ASIC2: variants seen among roughly 807,000 people sequenced by gnomAD.
The protein encoded by ASIC2 is acid sensing ion channel subunit 2.
In ASIC2, 25 loss-of-function variants were observed where a neutral mutation model predicts 57.3. The ratio of observed to expected loss-of-function variants is 0.44; its 90% CI spans 0.32 to 0.61. The LOEUF is 0.61. Among genes scored for constraint, ASIC2 ranks in the 20% least tolerant of loss-of-function variants. ASIC2 has a pLI of 0.06. For synonymous variants in ASIC2, 319 were observed against 307.5 expected (o/e 1.04, Z -0.39); for missense variants, 641 against 738.1 (o/e 0.87, Z 1.52).
intron 1 of ASIC2, among the ~76,000 whole-genome samples, chr17:33,752,380 C>CA (rs34559402): frequency 0.42 from 63,594 of 150,982 alleles, 13,975 homozygotes; most frequent in Non-Finnish European, 0.49. Context: ...CTTTCATTAG[C>CA]AAAAAAAAGT....
rs147937342 is a variant in ASIC2, at chr17:33,190,553, T to C, written c.709-78486A>G. ...TGACAAGCTACTACTAAAAATTATA[T>C]GGAAATGTGAAAGACCTAGAATAGT... On this transcript the variant is annotated intron_variant, in intron 1 of 9. Coordinates refer to ENST00000225823, the MANE Select transcript of ASIC2 (RefSeq NM_183377.2). Among the ~76,000 whole-genome samples the C allele has an allele frequency of 5.9e-5, 9 of 152,240 alleles. No individual in the cohort carries two copies. The East Asian group carries it at 1.5e-3, about 26-fold the overall frequency.
chr17:34,111,275 A>G (rs1295343095), intron 1 of ASIC2, among the ~76,000 whole-genome samples: 3 of 148,272 alleles, frequency 2.0e-5, no homozygotes, highest in Non-Finnish European at 4.5e-5. Context: ...TATTATATAC[A>G]ACATATTATA....
At chr17:33,206,602 C>T (rs965617052) in intron 1 of ASIC2, among the ~76,000 whole-genome samples, 6 of 152,126 alleles carry the variant, frequency 3.9e-5, no homozygotes, top group South Asian at 2.1e-4. Flanking sequence ...GGCTGTCTTC[C>T]GCTTTCTATC....
At chr17:33,626,932 C>T (rs1033177024) in intron 1 of ASIC2, 1 of 152,232 alleles carries the variant, frequency 6.6e-6, no homozygotes, top group South Asian at 2.1e-4. Flanking sequence ...AGAATAAAAA[C>T]ACACACTCCT....
chr17:34,132,408 C>T (rs35281363), intron 1 of ASIC2, among the ~76,000 whole-genome samples: 3 of 151,504 alleles, frequency 2.0e-5, no homozygotes, highest in Non-Finnish European at 1.5e-5. Context: ...GGATGGAGTG[C>T]GAGCCGGGTG....
chr17:33,271,528 T>C (rs1486229264), intron 1 of ASIC2, among the ~76,000 whole-genome samples: 1 of 152,192 alleles, frequency 6.6e-6, no homozygotes, highest in Non-Finnish European at 1.5e-5. Flanking sequence ...CAATTCATGT[T>C]ACCAGGATCA....
intron 1 of ASIC2, among the ~76,000 whole-genome samples, chr17:33,722,734 G>C (rs1909426819): frequency 6.6e-6 from 1 of 152,192 alleles, no homozygotes; most frequent in Non-Finnish European, 1.5e-5. Flanking sequence ...TTGCACTGCA[G>C]CCGGGGTAAC....
rs572754142 is a variant in ASIC2 at position 33,917,597 on chromosome 17, G to A, written c.555+238381C>T. The stretch of plus-strand genomic sequence containing the variant: ...GTTCCTGAATGGTCTTCCACACTCC[G>A]GTTTCTTCTTCTTTAATCTATTCTC... On this transcript the variant is annotated intron_variant, in intron 1 of 9. Coordinates refer to the ASIC2 transcript ENST00000359872. Among the ~76,000 whole-genome samples, 7 of 152,014 alleles carry A rather than the reference G, an allele frequency of 4.6e-5. No individual in the cohort carries two copies. The South Asian group carries it at 1.0e-3, about 22-fold the overall frequency.
intron 1 of ASIC2, among the ~76,000 whole-genome samples, chr17:33,317,145 T>C (rs1906689504): frequency 6.6e-6 from 1 of 152,236 alleles, no homozygotes; most frequent in Admixed American, 6.5e-5. Context: ...ATTAATCAAG[T>C]CCTCAAGAAG....
chr17:33,440,273 C>T lies in ASIC2; in HGVS notation c.556-328206G>A, dbSNP rs571662934. ...ATCTGGCCTCTTTTCCTTAGCCTGA[C>T]GTTTTCGAGGTTGGATGTAGCATGT... is the stretch of plus-strand genomic sequence containing the variant. On this transcript the variant is annotated intron_variant, in intron 1 of 9. Transcript: ENST00000359872. Among the ~76,000 whole-genome samples, 22 of 152,258 alleles carry T rather than the reference C, an allele frequency of 1.4e-4. No homozygotes were observed. The South Asian group carries it at 3.1e-3, about 22-fold the overall frequency.
intron 1 of ASIC2, among the ~76,000 whole-genome samples, chr17:33,727,245 A>G (rs990324700): frequency 1.3e-5 from 2 of 152,202 alleles, no homozygotes; most frequent in Non-Finnish European, 2.9e-5. Context: ...TTTTCCAGGA[A>G]AGTTCCAAGT....
chr17:33,800,475 A>G (rs1019576448), intron 1 of ASIC2, among the ~76,000 whole-genome samples: 11 of 152,162 alleles, frequency 7.2e-5, no homozygotes, highest in Admixed American at 3.9e-4. Context: ...TACCCTACAG[A>G]AGAGATGAGA....
At chr17:33,759,862 G>A (rs963856200) in intron 1 of ASIC2, among the ~76,000 whole-genome samples, 3 of 152,160 alleles carry the variant, frequency 2.0e-5, no homozygotes, top group African/African-American at 7.2e-5. Flanking sequence ...TCAAAGGATG[G>A]TATAGAAAGC....
intron 1 of ASIC2, among the ~76,000 whole-genome samples, chr17:33,491,340 G>T (rs1285470592): frequency 6.6e-6 from 1 of 152,130 alleles, no homozygotes; most frequent in African/African-American, 2.4e-5. Flanking sequence ...AGGGCTACTT[G>T]TCAAGAGGAT....
intron 1 of ASIC2, among the ~76,000 whole-genome samples, chr17:33,290,502 C>T (rs908939432): frequency 2.0e-5 from 3 of 152,264 alleles, no homozygotes; most frequent in Admixed American, 1.3e-4. Flanking sequence ...AGGCAGATAC[C>T]TTCTGTCCAA....
chr17:33,372,292 C>T (rs1487776387), intron 1 of ASIC2, among the ~76,000 whole-genome samples: 3 of 151,980 alleles, frequency 2.0e-5, no homozygotes. Context: ...TACAGTGGGG[C>T]TTCTGGCTCT....
chr17:33,956,125 G>A (rs1194201240), intron 1 of ASIC2, among the ~76,000 whole-genome samples: 1 of 152,038 alleles, frequency 6.6e-6, no homozygotes, highest in Middle Eastern at 3.2e-3. Context: ...CTAATGAATT[G>A]AAAAAAATGA....
intron 1 of ASIC2, among the ~76,000 whole-genome samples, chr17:33,173,688 A>G (rs1905618148): frequency 6.6e-6 from 1 of 152,182 alleles, no homozygotes; most frequent in South Asian, 2.1e-4. Context: ...AAGCCATTTA[A>G]CAGCTGTGAG....
chr17:33,695,032 A>C (rs1908484151), intron 1 of ASIC2, among the ~76,000 whole-genome samples: 1 of 152,256 alleles, frequency 6.6e-6, no homozygotes, highest in African/African-American at 2.4e-5. Context: ...TTTTAAAGGT[A>C]GCTATTAACC....
Sources: gnomAD v4.1 joint callset for allele counts (sites outside exome capture counted in the v4.1 genomes callset) on GRCh38, gnomAD v4.1.1 for gene constraint, MANE v1.5 for transcripts, NCBI Gene and HGNC (gene_info 2026-07-23, HGNC 2026-07-21) for gene names.